AQP8: variants seen among roughly 807,000 people sequenced by gnomAD.
The protein encoded by AQP8 is aquaporin 8, also known as aquaporin-8.
A neutral mutation model predicts 26.1 loss-of-function variants in AQP8; 14 were observed. That is an observed-to-expected ratio of 0.54 (90% CI 0.35 to 0.84). The LOEUF (loss-of-function observed/expected upper bound fraction) is 0.84, where lower values mean the gene tolerates loss of function less well. Ranked by LOEUF, AQP8 falls within the 40% of genes least tolerant of loss-of-function variation. The pLI, the probability that AQP8 is intolerant of heterozygous loss-of-function variation, is 0.01. For missense variants in AQP8, 301 were observed against 340.5 expected (o/e 0.88, Z 0.91); for synonymous variants, 131 against 150.7 (o/e 0.87, Z 0.96).
Position 25,225,031 on chromosome 16 carries a change from T to C in AQP8, c.602+455T>C, listed in dbSNP as rs181497588. 5.4e-3 allele frequency among the ~76,000 whole-genome samples: 830 copies of C among 152,324 alleles called. 5 individuals carry two copies. The highest frequency in any genetic ancestry group is 0.01 in the Non-Finnish European group (689 of 68,038). ...ATTAAGTAGACAAGATTGGGGATGA[T>C]GTCTCCCGTTTTATAGATAAGGAAA... On this transcript the variant is annotated intron_variant, in intron 4 of 5. Transcript: ENST00000219660.
intron 3 of AQP8, among the ~76,000 whole-genome samples, chr16:25,223,439 C>G (rs1962590284): frequency 6.6e-6 from 1 of 152,226 alleles, no homozygotes; most frequent in Non-Finnish European, 1.5e-5. Context: ...GCGGCTGGTG[C>G]CTGTAATCCC....
intron 2 of AQP8, among the ~76,000 whole-genome samples, chr16:25,218,457 T>G (rs1962516845): frequency 6.6e-6 from 1 of 152,080 alleles, no homozygotes; most frequent in African/African-American, 2.4e-5. Context: ...ACGACGAAGA[T>G]CTTGAGTGGG....
intron 4 of AQP8, 90 bp from the exon 5 acceptor site, chr16:25,226,978 T>G: frequency 6.3e-7 from 1 of 1,583,040 alleles, no homozygotes; most frequent in Non-Finnish European, 8.6e-7. Context: ...TTCTGGGTGG[T>G]GTGTGACTAG....
intron 2 of AQP8, 100 bp downstream of exon 2, chr16:25,217,545 G>A: frequency 6.7e-7 from 1 of 1,494,948 alleles, no homozygotes; most frequent in African/African-American, 1.4e-5. Context: ...ACGTATTCGG[G>A]ATTTCAAGGA....
At chr16:25,219,022 C>T (rs978497392) in intron 2 of AQP8, among the ~76,000 whole-genome samples, 2 of 151,524 alleles carry the variant, frequency 1.3e-5, no homozygotes, top group African/African-American at 4.9e-5. Context: ...CACTTCTTAG[C>T]AGGGTGACCA....
Position 25,221,580 on chromosome 16 carries a change from C to G in AQP8, c.384C>G (p.Ala128=). The stretch of plus-strand genomic sequence containing the variant: ...GGGGGATGCTCGGGGCTGCCTTGGC[C>G]AAGGTGGGTAAACCCCAGGGGCTGG... ...LLGGMLGAAL[A]KAVSPEERFW... The change falls in exon 3 of 6, where the codon GCC becomes GCG. Residue 128 remains alanine (A), a synonymous_variant. Coordinates refer to ENST00000219660, the MANE Select transcript of AQP8 (RefSeq NM_001169.3). The G allele has an allele frequency of 6.2e-7, 1 of 1,613,850 alleles. No homozygotes were observed. Among genetic ancestry groups the G allele is most frequent in the Non-Finnish European group, 8.5e-7 (1 of 1,179,930 alleles).
intron 3 of AQP8, among the ~76,000 whole-genome samples, chr16:25,221,808 C>T (rs555284806): frequency 3.3e-5 from 5 of 152,114 alleles, no homozygotes; most frequent in Non-Finnish European, 7.4e-5. Flanking sequence ...TGCTCTGTCA[C>T]CCAGGCTGGA....
In AQP8 at chr16:25,221,458, G is replaced by A. The variant is rs1169002853; in HGVS notation, c.262G>A (p.Gly88Ser). The A allele has an allele frequency of 1.9e-6, 3 of 1,613,964 alleles. No homozygotes were observed. Among genetic ancestry groups the A allele is most frequent in the Non-Finnish European group, 1.7e-6 (2 of 1,179,986 alleles). The change falls in exon 3 of 6, where the codon GGT (glycine) becomes AGT (serine). Residue 88 changes from glycine to serine, a missense_variant and splice_region_variant. Physicochemically the swap from Gly to Ser is moderately conservative, Grantham distance 56. Coordinates refer to ENST00000219660, the MANE Select transcript of AQP8 (RefSeq NM_001169.3). ...LVIATLGNIS[G>S]GHFNPAVSLA... Reference sequence around the variant, plus strand: ...TTCCTCTGCTCTTGTGGGTTACAGTGGTGGACACTTCAACCCTGCGGTGTC... The same window carrying A: ...TTCCTCTGCTCTTGTGGGTTACAGTAGTGGACACTTCAACCCTGCGGTGTC...
chr16:25,219,349 T>C (rs7200611), intron 2 of AQP8, among the ~76,000 whole-genome samples: 11,677 of 151,182 alleles, frequency 0.077, 1,862 homozygotes, highest in African/African-American at 0.27. Context: ...TCAGCACCTA[T>C]TGCGTGCCAG....
rs1962565010 is a variant in AQP8, at chr16:25,221,690, C to A, written c.387+107C>A. On this transcript the variant is annotated intron_variant, in intron 3 of 5. Transcript: ENST00000219660. The stretch of plus-strand genomic sequence containing the variant: ...AGTGGGGAGTGGGGAAATGTCCAAT[C>A]TTTTGCTTGTTTCTGCCAGTGGAAT... 2.1e-5 allele frequency: 29 copies of A among 1,393,346 alleles called. No homozygotes were observed. In the South Asian group the frequency reaches 3.2e-4, roughly 15 times the overall value. The allele number at this position is 1,393,346 out of a possible 1,614,324, so 86.3% of individuals were successfully genotyped here. A position where few individuals can be genotyped will look rare whatever the true frequency, so the allele number is the denominator to read the frequency against.
chr16:25,217,233 G>A lies in AQP8; in HGVS notation c.48G>A (p.Lys16=), dbSNP rs767280953. Residue 16 remains lysine, a synonymous_variant, in exon 2 of 6, where the codon AAG becomes AAA. Transcript: ENST00000219660. Reference sequence around the variant, plus strand: ...GTGAGCCTGAATTTGGCAATGACAAGGCCAGGGAGCCGAGCGTGGGTGGCA... The same window carrying A: ...GTGAGCCTGAATTTGGCAATGACAAAGCCAGGGAGCCGAGCGTGGGTGGCA... The part of the protein sequence containing the change: ...AMCEPEFGND[K]AREPSVGGRW... 4 of 1,614,206 alleles carry A rather than the reference G, an allele frequency of 2.5e-6. No individual in the cohort carries two copies. The South Asian group carries it at 4.4e-5, about 18-fold the overall frequency.
At position 25,217,201 on chromosome 16, in the gene AQP8, G is replaced by A; in HGVS notation, c.16G>A (p.Ala6Thr). The A allele has an allele frequency of 1.2e-6, 2 of 1,614,124 alleles. No individual in the cohort carries two copies. Among genetic ancestry groups the A allele is most frequent in the Non-Finnish European group, 1.7e-6 (2 of 1,180,038 alleles). ...TGTCCCTTTTTCCCTACGGCAGATA[G>A]CCATGTGTGAGCCTGAATTTGGCAA... MSGEIAMCEPEFGNDK... is the reference protein window; with the variant it reads MSGEITMCEPEFGNDK... Residue 6 changes from alanine to threonine, a missense_variant, in exon 2 of 6, where the codon GCC becomes ACC. Physicochemically the swap from Ala to Thr is moderately conservative, Grantham distance 58. Transcript: ENST00000219660.
intron 2 of AQP8, among the ~76,000 whole-genome samples, chr16:25,219,762 C>T (rs373854344): frequency 2.6e-5 from 4 of 151,282 alleles, no homozygotes; most frequent in Admixed American, 6.6e-5. Flanking sequence ...GGAGGTCAGG[C>T]GCAGTGGCTC....
At chr16:25,222,370 T>TA (rs935528954) in intron 3 of AQP8, among the ~76,000 whole-genome samples, 7 of 151,956 alleles carry the variant, frequency 4.6e-5, no homozygotes, top group African/African-American at 1.2e-4. Context: ...ATAAATAAAT[T>TA]AAAAAAAATT....
intron 5 of AQP8, 24 bp downstream of exon 5, chr16:25,227,226 C>T (rs200431760): frequency 9.4e-5 from 152 of 1,613,370 alleles, no homozygotes; most frequent in Non-Finnish European, 1.2e-4. Context: ...ACAGGGTCAC[C>T]GGCCCATTGG....
chr16:25,225,644 C>A (rs565917191), intron 4 of AQP8, among the ~76,000 whole-genome samples: 17 of 152,008 alleles, frequency 1.1e-4, no homozygotes, highest in Non-Finnish European at 2.1e-4. Context: ...TTCCTGATCT[C>A]ATGATCCGCC....
At chr16:25,225,425 G>A (rs1422644365) in intron 4 of AQP8, among the ~76,000 whole-genome samples, 1 of 151,952 alleles carries the variant, frequency 6.6e-6, no homozygotes, top group Non-Finnish European at 1.5e-5. Flanking sequence ...GTAAAGCTGT[G>A]GCCATGCTTT....
intron 2 of AQP8, among the ~76,000 whole-genome samples, chr16:25,221,040 G>GA (rs1407234084): frequency 2.0e-5 from 3 of 152,224 alleles, no homozygotes; most frequent in Non-Finnish European, 4.4e-5. Context: ...GACAGAGCAA[G>GA]ACTCCGTCTC....
In AQP8 at chr16:25,217,235, C is replaced by T; in HGVS notation, c.50C>T (p.Ala17Val). The change falls in exon 2 of 6, where the codon GCC (alanine) becomes GTC (valine). Residue 17 changes from alanine (A) to valine (V), a missense_variant. Physicochemically the swap from Ala to Val is moderately conservative, Grantham distance 64. Coordinates refer to ENST00000219660, the MANE Select transcript of AQP8 (RefSeq NM_001169.3). ...GAGCCTGAATTTGGCAATGACAAGG[C>T]CAGGGAGCCGAGCGTGGGTGGCAGG... ...MCEPEFGNDK[A>V]REPSVGGRWR... 1 of 1,614,170 alleles carries T rather than the reference C, an allele frequency of 6.2e-7. No individual in the cohort carries two copies. The highest frequency in any genetic ancestry group is 8.5e-7 in the Non-Finnish European group (1 of 1,180,034).
Sources: allele counts gnomAD v4.1 joint callset (sites outside exome capture counted in the v4.1 genomes callset), GRCh38; gene constraint gnomAD v4.1.1; transcripts MANE v1.5; gene names NCBI Gene and HGNC (gene_info 2026-07-23, HGNC 2026-07-21).